The following RAD52 variants were observed in gnomAD, a reference collection of about 807,000 sequenced individuals.
RAD52 encodes RAD52 DNA repair protein.
In RAD52, 47 loss-of-function variants were observed where a neutral mutation model predicts 55.5. The observed-to-expected ratio is 0.85, with a 90% CI of 0.67 to 1.08. The LOEUF is 1.08. Ranked by LOEUF, RAD52 falls within the 50% of genes least tolerant of loss-of-function variation. The pLI is 0.00. For synonymous variants in RAD52, 184 were observed against 198.9 expected (o/e 0.92, Z 0.63); for missense variants, 468 against 522.8 (o/e 0.90, Z 1.02).
chr12:929,666 C>G (rs774673598), intron 5 of RAD52, 153 bp downstream of exon 5: 1 of 816,016 alleles, frequency 1.2e-6, no homozygotes, highest in South Asian at 1.3e-5. Flanking sequence ...AGCACATGAG[C>G]AAGAGTATTT....
At chr12:982,310 A>C (rs1959028210) in intron 1 of RAD52, among the ~76,000 whole-genome samples, 1 of 152,158 alleles carries the variant, frequency 6.6e-6, no homozygotes, top group Non-Finnish European at 1.5e-5. Flanking sequence ...TTGCACCTAT[A>C]ATCTCTATGA....
At chr12:920,633 G>A (rs1022394595) in intron 7 of RAD52, among the ~76,000 whole-genome samples, 4 of 151,358 alleles carry the variant, frequency 2.6e-5, no homozygotes, top group African/African-American at 9.7e-5. Flanking sequence ...AAACACCAGA[G>A]GTCCTAAATA....
chr12:932,925 C>T, intron 2 of RAD52, 50 bp downstream of exon 2: 1 of 1,577,006 alleles, frequency 6.3e-7, no homozygotes, highest in Non-Finnish European at 8.7e-7. Flanking sequence ...CTTGCCCTAA[C>T]TTTACTCACT....
chr12:947,329 C>G (rs1331956031), intron 1 of RAD52, among the ~76,000 whole-genome samples: 1 of 150,606 alleles, frequency 6.6e-6, no homozygotes, highest in Non-Finnish European at 1.5e-5. Context: ...TCTGTCCCCC[C>G]AAAAAAACAA....
At chr12:969,587 G>A (rs1472636937) in intron 1 of RAD52, among the ~76,000 whole-genome samples, 2 of 151,844 alleles carry the variant, frequency 1.3e-5, no homozygotes. Flanking sequence ...AGAAGTTTGA[G>A]ACCAGCCTGG....
intron 1 of RAD52, among the ~76,000 whole-genome samples, chr12:970,128 G>A (rs1958821842): frequency 6.6e-6 from 1 of 151,738 alleles, no homozygotes; most frequent in Non-Finnish European, 1.5e-5. Flanking sequence ...TCCAACATGC[G>A]AAACCCTGTC....
chr12:924,666 C>T (rs1956926282), intron 7 of RAD52, among the ~76,000 whole-genome samples: 1 of 152,174 alleles, frequency 6.6e-6, no homozygotes, highest in Admixed American at 6.5e-5. Context: ...TGCCCCACCA[C>T]AGACCCCATT....
At chr12:928,636 T>C (rs76410315) in intron 5 of RAD52, among the ~76,000 whole-genome samples, 23 of 152,130 alleles carry the variant, frequency 1.5e-4, no homozygotes, top group African/African-American at 5.6e-4. Flanking sequence ...AAATTTTATA[T>C]TTTAAATTTT....
At chr12:937,962 T>A (rs969000158) in intron 1 of RAD52, among the ~76,000 whole-genome samples, 1 of 151,590 alleles carries the variant, frequency 6.6e-6, no homozygotes, top group African/African-American at 2.4e-5. Context: ...CACCAAGCCA[T>A]GAGCTTCTCC....
intron 6 of RAD52, 28 bp downstream of exon 6, chr12:927,117 C>A (rs1465866502): frequency 2.5e-6 from 4 of 1,594,256 alleles, no homozygotes. Context: ...TGAAATGACG[C>A]AGGTTAGACT....
At chr12:974,774 A>C (rs1053138095) in intron 1 of RAD52, 16 of 152,250 alleles carry the variant, frequency 1.1e-4, no homozygotes, top group Non-Finnish European at 1.9e-4. Flanking sequence ...TTTAATACTT[A>C]TAATAACTTT....
intron 1 of RAD52, among the ~76,000 whole-genome samples, chr12:969,275 TC>T (rs1448057342): frequency 6.6e-6 from 1 of 151,944 alleles, no homozygotes; most frequent in African/African-American, 2.4e-5. Context: ...TATATTTGCA[TC>T]CCAGGAACAC....
Position 916,298 on chromosome 12 carries a change from C to T in RAD52, c.865+46G>A, listed in dbSNP as rs767317548. 4 of 1,593,324 alleles carry T rather than the reference C, an allele frequency of 2.5e-6. No homozygotes were observed. In the East Asian group the frequency reaches 6.7e-5, roughly 27 times the overall value. ...ATCAGAAGACCCTGCGGCTACACTT[C>T]CTCCTGCAGACGCCTCCCAGGGCCC... On this transcript the variant is annotated intron_variant, in intron 9 of 11. Transcript: ENST00000358495.
intron 7 of RAD52, among the ~76,000 whole-genome samples, chr12:923,947 G>A (rs1956878512): frequency 6.6e-6 from 1 of 151,212 alleles, no homozygotes; most frequent in Non-Finnish European, 1.5e-5. Context: ...TAGTCCCAGC[G>A]ACTTGGGAGG....
intron 1 of RAD52, among the ~76,000 whole-genome samples, chr12:972,019 A>G (rs1406566710): frequency 6.6e-6 from 1 of 152,206 alleles, no homozygotes; most frequent in Admixed American, 6.5e-5. Flanking sequence ...AAGTACCTTT[A>G]CCTTTTGATT....
At chr12:915,183 G>T (rs1046853713) in intron 9 of RAD52, among the ~76,000 whole-genome samples, 2 of 152,136 alleles carry the variant, frequency 1.3e-5, no homozygotes, top group Non-Finnish European at 2.9e-5. Context: ...TGTGTGAAAT[G>T]GATTAAAATA....
In RAD52 at chr12:982,454, C is replaced by T. The variant is rs73031310; in HGVS notation, c.-19+7355G>A. 4.4e-3 allele frequency among the ~76,000 whole-genome samples: 675 copies of T among 152,276 alleles called. 4 individuals carry two copies. Among genetic ancestry groups the T allele is most frequent in the South Asian group, 0.01 (50 of 4,828 alleles). On this transcript the variant is annotated intron_variant, in intron 1 of 11. Coordinates refer to the RAD52 transcript ENST00000430095. ...CCTTCAACAGTTTGGTTAGAAATCT[C>T]CTCAGCTAAATAACCAAATTTATCA... is the stretch of plus-strand genomic sequence containing the variant.
intron 1 of RAD52, among the ~76,000 whole-genome samples, chr12:936,256 A>G (rs1276566437): frequency 6.6e-6 from 1 of 151,954 alleles, no homozygotes; most frequent in Non-Finnish European, 1.5e-5. Flanking sequence ...GTGAGCCGAG[A>G]CCACACCACT....
At chr12:931,851 A>G (rs1957342354) in intron 2 of RAD52, among the ~76,000 whole-genome samples, 1 of 152,212 alleles carries the variant, frequency 6.6e-6, no homozygotes, top group South Asian at 2.1e-4. Context: ...CGCCTTCTCC[A>G]ATACAACAAT....
Sources: gnomAD v4.1 joint callset for allele counts (sites outside exome capture counted in the v4.1 genomes callset) on GRCh38, gnomAD v4.1.1 for gene constraint, MANE v1.5 for transcripts, NCBI Gene and HGNC (gene_info 2026-07-23, HGNC 2026-07-21) for gene names.